The following SRPK1 variants were observed in gnomAD, a reference collection of about 807,000 sequenced individuals.
SRPK1 encodes the protein SFRS protein kinase 1.
Under a neutral mutation model 89.5 loss-of-function variants are expected in SRPK1, and 52 were observed. That is an observed-to-expected ratio of 0.58 (90% CI 0.46 to 0.73). The LOEUF is 0.73. SRPK1 is among the 30% of genes least tolerant of loss of function. The pLI, the probability that SRPK1 is intolerant of heterozygous loss-of-function variation, is 0.00. For synonymous variants in SRPK1, 255 were observed against 270.2 expected (o/e 0.94, Z 0.55); for missense variants, 603 against 780.6 (o/e 0.77, Z 2.71).
chr6:35,895,051 CAAGA>C (rs1394474518), intron 2 of SRPK1, among the ~76,000 whole-genome samples: 1 of 151,880 alleles, frequency 6.6e-6, no homozygotes, highest in Non-Finnish European at 1.5e-5. Context: ...AAAACAAAGA[CAAGA>C]AAGTATGCTT....
At chr6:35,867,172 G>A (rs912971162) in intron 12 of SRPK1, among the ~76,000 whole-genome samples, 1 of 151,912 alleles carries the variant, frequency 6.6e-6, no homozygotes, top group African/African-American at 2.4e-5. Flanking sequence ...AAAAAAAAAA[G>A]TATCACTCTG....
rs953052137 is a variant in SRPK1 at position 35,908,744 on chromosome 6, C to T, written c.74+11724G>A. On this transcript the variant is annotated intron_variant, in intron 2 of 15. Transcript: ENST00000373825. Reference sequence around the variant, plus strand: ...ATCACCAAGACAATAGAGAAAATGTCGTCAGGGCATGTCAGAGATCTTGGC... The same window carrying T: ...ATCACCAAGACAATAGAGAAAATGTTGTCAGGGCATGTCAGAGATCTTGGC... Among the ~76,000 whole-genome samples the T allele has an allele frequency of 3.3e-5, 5 of 152,134 alleles. No individual in the cohort carries two copies. In the South Asian group the frequency reaches 6.2e-4, roughly 19 times the overall value.
intron 2 of SRPK1, among the ~76,000 whole-genome samples, chr6:35,909,876 G>A (rs1770924638): frequency 6.6e-6 from 1 of 152,098 alleles, no homozygotes; most frequent in African/African-American, 2.4e-5. Context: ...ATGCTTCCTG[G>A]TAAGCCTGTG....
chr6:35,869,134 TAA>T, intron 11 of SRPK1, 24 bp from the exon 12 acceptor site: 1 of 1,567,874 alleles, frequency 6.4e-7, no homozygotes, highest in African/African-American at 1.3e-5. Flanking sequence ...GCATCATCAA[TAA>T]GACTGTTCAA....
chr6:35,891,947 T>G (rs993860778), intron 2 of SRPK1, among the ~76,000 whole-genome samples: 1 of 152,174 alleles, frequency 6.6e-6, no homozygotes, highest in Admixed American at 6.6e-5. Context: ...AAATAACATG[T>G]TAAATGTGGA....
intron 13 of SRPK1, among the ~76,000 whole-genome samples, chr6:35,846,688 G>GA (rs946825780): frequency 3.3e-5 from 5 of 151,932 alleles, no homozygotes; most frequent in Non-Finnish European, 7.4e-5. Flanking sequence ...GGATAACCCA[G>GA]AAAAAAATGG....
At chr6:35,900,982 C>T (rs1770728784) in intron 2 of SRPK1, among the ~76,000 whole-genome samples, 1 of 152,086 alleles carries the variant, frequency 6.6e-6, no homozygotes, top group African/African-American at 2.4e-5. Flanking sequence ...AGTGAGATTT[C>T]CATCTCTTAA....
At chr6:35,866,256 T>C (rs543263148) in intron 12 of SRPK1, among the ~76,000 whole-genome samples, 30 of 152,122 alleles carry the variant, frequency 2.0e-4, no homozygotes, top group Non-Finnish European at 2.8e-4. Context: ...TTACACACTC[T>C]TGGTGGGAAT....
chr6:35,900,545 C>T (rs1473439017), intron 2 of SRPK1, among the ~76,000 whole-genome samples: 1 of 152,102 alleles, frequency 6.6e-6, no homozygotes, highest in Non-Finnish European at 1.5e-5. Flanking sequence ...TGAACCTATC[C>T]GGTTCTTGAG....
In SRPK1 at chr6:35,842,394, CTTTTA is replaced by C. The variant is rs1769328948; in HGVS notation, c.1690+136_1690+140del. The stretch of plus-strand genomic sequence containing the variant: ...TATCTAAAAACCTAATATAAAATGT[CTTTTA>C]TATTTCTAACTTTTCTGGGATTTAC... On this transcript the variant is annotated intron_variant, in intron 14 of 15. Coordinates refer to ENST00000373825, the MANE Select transcript of SRPK1 (RefSeq NM_003137.5). 18 of 526,866 alleles carry C rather than the reference CTTTTA, an allele frequency of 3.4e-5. No individual in the cohort carries two copies. In the South Asian group the frequency reaches 1.0e-3, roughly 30 times the overall value. The allele number at this position is 526,866 out of a possible 1,614,324, so 32.6% of individuals were successfully genotyped here.
chr6:35,889,884 G>C (rs1347301193), intron 3 of SRPK1, among the ~76,000 whole-genome samples: 3 of 150,494 alleles, frequency 2.0e-5, no homozygotes, highest in African/African-American at 7.4e-5. Context: ...GGATCACAAG[G>C]TCAGGAGATC....
intron 12 of SRPK1, among the ~76,000 whole-genome samples, chr6:35,860,609 C>G (rs918861134): frequency 2.0e-5 from 3 of 152,188 alleles, no homozygotes; most frequent in Non-Finnish European, 4.4e-5. Context: ...TGAGTACCTA[C>G]TCTGTACCAG....
intron 6 of SRPK1, among the ~76,000 whole-genome samples, chr6:35,877,146 T>A (rs149339574): frequency 1.0e-3 from 157 of 152,222 alleles, no homozygotes; most frequent in African/African-American, 3.6e-3. Flanking sequence ...GCAAAGAGAC[T>A]AGAAAAATTT....
At chr6:35,850,808 A>C (rs957445854) in intron 13 of SRPK1, among the ~76,000 whole-genome samples, 1 of 152,228 alleles carries the variant, frequency 6.6e-6, no homozygotes, top group Non-Finnish European at 1.5e-5. Context: ...AAAAGTGATA[A>C]AGTGGGGGTT....
intron 6 of SRPK1, 84 bp downstream of exon 6, chr6:35,886,640 C>G (rs1033473619): frequency 1.3e-6 from 1 of 792,754 alleles, no homozygotes; most frequent in African/African-American, 1.7e-5. Context: ...TTAGAAAAGA[C>G]ACCAAGGCCA....
intron 13 of SRPK1, among the ~76,000 whole-genome samples, chr6:35,854,105 C>T (rs554493486): frequency 6.6e-6 from 1 of 152,204 alleles, no homozygotes; most frequent in East Asian, 1.9e-4. Flanking sequence ...CATGTGCCAC[C>T]ATGGCCAGCT....
At chr6:35,853,601 C>T (rs1179382345) in intron 13 of SRPK1, among the ~76,000 whole-genome samples, 1 of 152,158 alleles carries the variant, frequency 6.6e-6, no homozygotes, top group Non-Finnish European at 1.5e-5. Flanking sequence ...ATGCACTTCA[C>T]CCCATGTCCT....
intron 2 of SRPK1, among the ~76,000 whole-genome samples, chr6:35,903,144 C>T (rs191351330): frequency 2.8e-4 from 42 of 151,442 alleles, no homozygotes; most frequent in African/African-American, 8.0e-4. Context: ...AGTGAATGAA[C>T]GGAAAGATAG....
chr6:35,870,630 T>C, intron 9 of SRPK1, 136 bp from the exon 10 acceptor site: 1 of 851,488 alleles, frequency 1.2e-6, no homozygotes, highest in Non-Finnish European at 1.8e-6. Flanking sequence ...AAGTCTTTCA[T>C]TAAATTAAAA....
Sources: allele counts gnomAD v4.1 joint callset (sites outside exome capture counted in the v4.1 genomes callset), GRCh38; gene constraint gnomAD v4.1.1; transcripts MANE v1.5; gene names NCBI Gene and HGNC (gene_info 2026-07-23, HGNC 2026-07-21).